Variants in COG5 observed in about 807,000 individuals in gnomAD.
The protein encoded by COG5 is conserved oligomeric Golgi complex subunit 5.
COG5 carries 86 observed loss-of-function variants against 110.4 expected under a neutral mutation model. The ratio of observed to expected loss-of-function variants is 0.78; its 90% CI spans 0.65 to 0.93. The LOEUF (loss-of-function observed/expected upper bound fraction) is 0.93. COG5 is among the 40% of genes least tolerant of loss of function. The pLI, the probability that COG5 is intolerant of heterozygous loss-of-function variation, is 0.00. For missense variants in COG5, 1,077 were observed against 987.0 expected, an observed-to-expected ratio of 1.09 and a Z score of -1.22; for synonymous variants, 360 against 334.6, an observed-to-expected ratio of 1.08 and a Z score of -0.83.
intron 17 of COG5, among the ~76,000 whole-genome samples, chr7:107,241,983 T>C (rs1359827964): frequency 2.6e-5 from 4 of 152,114 alleles, no homozygotes; most frequent in African/African-American, 7.2e-5. Flanking sequence ...GGTTTCACCA[T>C]GCTGCCTAGG....
intron 14 of COG5, among the ~76,000 whole-genome samples, chr7:107,262,056 A>T (rs1803402692): frequency 6.6e-6 from 1 of 151,760 alleles, no homozygotes; most frequent in African/African-American, 2.4e-5. Context: ...ATGCGTGGCT[A>T]ATTTTTGTAT....
intron 10 of COG5, among the ~76,000 whole-genome samples, chr7:107,336,746 T>C (rs1810731853): frequency 6.6e-6 from 1 of 152,166 alleles, no homozygotes; most frequent in Non-Finnish European, 1.5e-5. Flanking sequence ...TGAATTGTAA[T>C]TTTAAACAAA....
intron 10 of COG5, among the ~76,000 whole-genome samples, chr7:107,357,634 A>C (rs1415313813): frequency 6.6e-6 from 1 of 152,104 alleles, no homozygotes; most frequent in African/African-American, 2.4e-5. Context: ...TTTAATCAGT[A>C]ATGATTCATA....
At chr7:107,385,117 C>T (rs1422933611) in intron 7 of COG5, among the ~76,000 whole-genome samples, 2 of 152,124 alleles carry the variant, frequency 1.3e-5, no homozygotes, top group Non-Finnish European at 2.9e-5. Flanking sequence ...AAGAAAAGCA[C>T]AGAGACACAC....
chr7:107,353,304 A>C (rs1008109585), intron 10 of COG5, among the ~76,000 whole-genome samples: 3 of 151,748 alleles, frequency 2.0e-5, no homozygotes, highest in African/African-American at 7.3e-5. Context: ...GGGCACCTGT[A>C]GTCCCAGCTA....
At chr7:107,463,479 GC>G (rs1203494215) in intron 6 of COG5, among the ~76,000 whole-genome samples, 1 of 152,174 alleles carries the variant, frequency 6.6e-6, no homozygotes, top group Non-Finnish European at 1.5e-5. Flanking sequence ...ACATGCAGCA[GC>G]CCATGAATAG....
chr7:107,420,678 G>T (rs977954212), intron 6 of COG5, among the ~76,000 whole-genome samples: 6 of 152,228 alleles, frequency 3.9e-5, no homozygotes, highest in African/African-American at 1.4e-4. Context: ...AGCCAGGATG[G>T]TCTCGATCTC....
chr7:107,414,389 C>T (rs964021387), intron 6 of COG5, among the ~76,000 whole-genome samples: 1 of 152,084 alleles, frequency 6.6e-6, no homozygotes, highest in African/African-American at 2.4e-5. Flanking sequence ...TATTTATCAT[C>T]TCCTTAGGAG....
chr7:107,270,087 T>C (rs947380345), intron 14 of COG5, among the ~76,000 whole-genome samples: 1 of 152,184 alleles, frequency 6.6e-6, no homozygotes, highest in African/African-American at 2.4e-5. Context: ...TTTAGGCACT[T>C]GGACTTGCCT....
intron 6 of COG5, among the ~76,000 whole-genome samples, chr7:107,493,625 C>A (rs2129130303): frequency 6.6e-6 from 1 of 152,260 alleles, no homozygotes; most frequent in Admixed American, 6.5e-5. Context: ...AATGTCACCA[C>A]AAGGCTAAAG....
At chr7:107,211,045 A>C in intron 20 of COG5, 54 bp downstream of exon 20, 9 of 1,601,826 alleles carry the variant, frequency 5.6e-6, no homozygotes, top group Non-Finnish European at 7.7e-6. Context: ...CTCAGGATTC[A>C]CACAGGTAAT....
chr7:107,351,941 C>T (rs1812179294), intron 10 of COG5, among the ~76,000 whole-genome samples: 1 of 147,286 alleles, frequency 6.8e-6, no homozygotes, highest in Non-Finnish European at 1.5e-5. Flanking sequence ...TACCATTTGA[C>T]CCAGCCATCC....
Position 107,281,405 on chromosome 7 carries a change from G to GA in COG5, c.1476-7dup, listed in dbSNP as rs774912830. Reference sequence around the variant, plus strand: ...CAGCAGCAACATTTAGTTCACTGGAGAAAATGAAAACAGTTTTTAAATATT... The same window carrying GA: ...CAGCAGCAACATTTAGTTCACTGGAGAAAAATGAAAACAGTTTTTAAATATT... On this transcript the variant is annotated splice_region_variant and splice_polypyrimidine_tract_variant and intron_variant, in intron 13 of 21. Transcript: ENST00000297135. 67 of 1,601,042 alleles carry GA rather than the reference G, an allele frequency of 4.2e-5. No homozygotes were observed. Among genetic ancestry groups the GA allele is most frequent in the Non-Finnish European group, 5.6e-5 (66 of 1,168,448 alleles).
At chr7:107,415,448 T>C (rs1490259498) in intron 6 of COG5, among the ~76,000 whole-genome samples, 1 of 152,014 alleles carries the variant, frequency 6.6e-6, no homozygotes, top group Non-Finnish European at 1.5e-5. Flanking sequence ...TTTGAGTTTA[T>C]TACACATGTA....
intron 6 of COG5, among the ~76,000 whole-genome samples, chr7:107,524,312 T>C (rs1470516128): frequency 1.3e-5 from 2 of 152,212 alleles, no homozygotes; most frequent in Non-Finnish European, 2.9e-5. Flanking sequence ...TCATAGAATA[T>C]ACTTAATTTC....
At chr7:107,238,411 T>C (rs1169925683) in intron 17 of COG5, among the ~76,000 whole-genome samples, 1 of 152,186 alleles carries the variant, frequency 6.6e-6, no homozygotes, top group Non-Finnish European at 1.5e-5. Flanking sequence ...TTGGTGGACA[T>C]TTAGATTGAT....
chr7:107,384,388 G>T (rs941957845), intron 7 of COG5, among the ~76,000 whole-genome samples: 1 of 152,140 alleles, frequency 6.6e-6, no homozygotes, highest in Non-Finnish European at 1.5e-5. Flanking sequence ...GTGGAGCCTC[G>T]GGAAGTTCAC....
chr7:107,482,949 A>C (rs1459404841), intron 6 of COG5, among the ~76,000 whole-genome samples: 2 of 152,178 alleles, frequency 1.3e-5, no homozygotes, highest in Non-Finnish European at 2.9e-5. Context: ...CTAAAACATA[A>C]CTGACATAAA....
At chr7:107,345,310 T>A (rs1316153363) in intron 10 of COG5, among the ~76,000 whole-genome samples, 1 of 152,068 alleles carries the variant, frequency 6.6e-6, no homozygotes, top group Non-Finnish European at 1.5e-5. Context: ...TTACCAAAAG[T>A]GACATGGAGA....
Sources: allele counts gnomAD v4.1 joint callset (sites outside exome capture counted in the v4.1 genomes callset), GRCh38; gene constraint gnomAD v4.1.1; transcripts MANE v1.5; gene names NCBI Gene and HGNC (gene_info 2026-07-23, HGNC 2026-07-21).